Variants in PCDHA1 observed in about 807,000 individuals in gnomAD.
PCDHA1 encodes the protein protocadherin alpha 1.
PCDHA1 carries 42 observed loss-of-function variants against 61.3 expected under a neutral mutation model. The ratio of observed to expected loss-of-function variants is 0.69; its 90% CI spans 0.54 to 0.89. The LOEUF (loss-of-function observed/expected upper bound fraction) is 0.89, where lower values mean the gene tolerates loss of function less well. Ranked by LOEUF, PCDHA1 falls within the 40% of genes least tolerant of loss-of-function variation. PCDHA1 has a pLI of 0.00. For missense variants in PCDHA1, 1,256 were observed against 1,235.3 expected (o/e 1.02, Z -0.25); for synonymous variants, 610 against 553.8 (o/e 1.10, Z -1.43).
chr5:140,822,892 G>C, intron 1 of PCDHA1: 1 of 1,614,212 alleles, frequency 6.2e-7, no homozygotes, highest in Non-Finnish European at 8.5e-7. Context: ...TCTGATCAGC[G>C]TGTCTGACCG....
intron 1 of PCDHA1, chr5:140,926,908 G>A: frequency 6.4e-7 from 1 of 1,560,434 alleles, no homozygotes; most frequent in South Asian, 1.2e-5. Context: ...GGGCTGTGGG[G>A]TGGCAGTTTT....
At chr5:140,824,253 T>C in intron 1 of PCDHA1, 2 of 1,382,282 alleles carry the variant, frequency 1.4e-6, no homozygotes, top group South Asian at 1.3e-5. Flanking sequence ...TACACAATTA[T>C]TGCACTAATT....
intron 1 of PCDHA1, among the ~76,000 whole-genome samples, chr5:140,906,909 G>A (rs1477484139): frequency 1.3e-5 from 2 of 152,174 alleles, no homozygotes; most frequent in Admixed American, 6.5e-5. Flanking sequence ...TTAAAGGTAG[G>A]AGGAGCCCAA....
At chr5:140,984,633 T>G (rs2097112196) in intron 3 of PCDHA1, among the ~76,000 whole-genome samples, 1 of 152,206 alleles carries the variant, frequency 6.6e-6, no homozygotes, top group African/African-American at 2.4e-5. Flanking sequence ...AAAGGGATTC[T>G]CTGCCTTCTC....
At chr5:140,920,294 A>T (rs1554199563) in intron 1 of PCDHA1, among the ~76,000 whole-genome samples, 9 of 152,206 alleles carry the variant, frequency 5.9e-5, no homozygotes. Context: ...TTTTAGAGGC[A>T]CTAAGAGAAA....
chr5:140,860,223 A>G (rs2046279598), intron 1 of PCDHA1: 1 of 150,246 alleles, frequency 6.7e-6, no homozygotes, highest in African/African-American at 2.4e-5. Context: ...TTATGTATAT[A>G]TAAGCCAGGC....
At chr5:140,809,579 G>A (rs782533943) in intron 1 of PCDHA1, 2 of 1,559,178 alleles carry the variant, frequency 1.3e-6, no homozygotes, top group South Asian at 2.4e-5. Flanking sequence ...AAAGGTTAGT[G>A]TATAACATCC....
chr5:140,986,198 C>T (rs782730684), intron 3 of PCDHA1, among the ~76,000 whole-genome samples: 1 of 152,200 alleles, frequency 6.6e-6, no homozygotes, highest in African/African-American at 2.4e-5. Flanking sequence ...ATTGGTTAAT[C>T]CTGATTACTG....
intron 1 of PCDHA1, chr5:140,868,478 AT>A (rs1444050987): frequency 1.3e-5 from 2 of 152,364 alleles, no homozygotes; most frequent in Non-Finnish European, 2.9e-5. Flanking sequence ...TAAAACTTCA[AT>A]TTTTTCTTTG....
At chr5:140,899,753 T>G (rs2067532965) in intron 1 of PCDHA1, among the ~76,000 whole-genome samples, 1 of 152,244 alleles carries the variant, frequency 6.6e-6, no homozygotes, top group African/African-American at 2.4e-5. Flanking sequence ...TCAGAAGGAA[T>G]GGTACCAGTT....
chr5:140,800,957 GA>G, intron 1 of PCDHA1: 1 of 1,163,568 alleles, frequency 8.6e-7, no homozygotes, highest in Admixed American at 3.7e-5. Flanking sequence ...GACATACAAG[GA>G]AAAGAAGATA....
intron 1 of PCDHA1, among the ~76,000 whole-genome samples, chr5:140,941,246 T>C (rs1332165821): frequency 7.1e-6 from 1 of 141,078 alleles, no homozygotes; most frequent in East Asian, 2.0e-4. Flanking sequence ...TTTCTTTCTT[T>C]CTTTCTTTCT....
chr5:140,992,841 A>G (rs1351149915), intron 3 of PCDHA1, among the ~76,000 whole-genome samples: 2 of 152,188 alleles, frequency 1.3e-5, no homozygotes, highest in African/African-American at 2.4e-5. Flanking sequence ...AACATTTTGT[A>G]TAACAACCAG....
chr5:140,876,476 T>G, intron 1 of PCDHA1: 1 of 1,614,036 alleles, frequency 6.2e-7, no homozygotes, highest in Non-Finnish European at 8.5e-7. Context: ...GGTCACAGCA[T>G]GGTCCTGGTG....
At chr5:141,001,289 TGAGGCCCA>T (rs1387793441) in intron 3 of PCDHA1, among the ~76,000 whole-genome samples, 1 of 152,150 alleles carries the variant, frequency 6.6e-6, no homozygotes, top group Non-Finnish European at 1.5e-5. Context: ...GGATGAAAAC[TGAGGCCCA>T]GAGATATGAA....
intron 1 of PCDHA1, among the ~76,000 whole-genome samples, chr5:140,845,445 T>A (rs1779878937): frequency 6.7e-6 from 1 of 149,700 alleles, no homozygotes; most frequent in Non-Finnish European, 1.5e-5. Context: ...GTTCTGTTTT[T>A]CTTCAACTCT....
intron 1 of PCDHA1, among the ~76,000 whole-genome samples, chr5:140,958,548 A>C (rs185504563): frequency 6.6e-6 from 1 of 152,180 alleles, no homozygotes; most frequent in African/African-American, 2.4e-5. Context: ...TTATGAACCA[A>C]TAAATGTTTC....
chr5:140,985,394 A>C (rs2097150028), intron 3 of PCDHA1, among the ~76,000 whole-genome samples: 1 of 152,084 alleles, frequency 6.6e-6, no homozygotes, highest in South Asian at 2.1e-4. Context: ...AGTCACCCCA[A>C]CTGTTCCCCT....
chr5:140,816,854 G>A (rs1273778767), intron 1 of PCDHA1: 8 of 151,924 alleles, frequency 5.3e-5, no homozygotes, highest in Non-Finnish European at 7.4e-5. Flanking sequence ...TGTACTGTGG[G>A]CCCTCTGGAG....
Sources: allele counts gnomAD v4.1 joint callset (sites outside exome capture counted in the v4.1 genomes callset), GRCh38; gene constraint gnomAD v4.1.1; transcripts MANE v1.5; gene names NCBI Gene and HGNC (gene_info 2026-07-23, HGNC 2026-07-21).